GNAQ: variants seen among roughly 807,000 people sequenced by gnomAD.
GNAQ encodes the protein G protein subunit alpha q.
GNAQ carries 8 observed loss-of-function variants against 43.9 expected under a neutral mutation model. That is an observed-to-expected ratio of 0.18 (90% CI 0.11 to 0.33). The LOEUF is 0.33. Among genes scored for constraint, GNAQ ranks in the 10% least tolerant of loss-of-function variants. The pLI is 1.00. For synonymous variants in GNAQ, 155 were observed against 170.7 expected, an observed-to-expected ratio of 0.91 and a Z score of 0.71; for missense variants, 158 against 450.8, an observed-to-expected ratio of 0.35 and a Z score of 5.88.
chr9:77,789,907 G>GT (rs1314258473), intron 5 of GNAQ, among the ~76,000 whole-genome samples: 5 of 151,970 alleles, frequency 3.3e-5, no homozygotes, highest in African/African-American at 1.2e-4. Context: ...TCCTTCTAGC[G>GT]TAAGGGAAGC....
chr9:77,895,268 TGTGTTA>T (rs564039214), intron 2 of GNAQ, among the ~76,000 whole-genome samples: 3 of 151,708 alleles, frequency 2.0e-5, no homozygotes, highest in Non-Finnish European at 4.4e-5. Context: ...TTGCTTCACA[TGTGTTA>T]GTTCATTTAA....
intron 2 of GNAQ, among the ~76,000 whole-genome samples, chr9:77,872,335 T>C (rs1828050891): frequency 6.6e-6 from 1 of 152,190 alleles, no homozygotes; most frequent in South Asian, 2.1e-4. Flanking sequence ...CTTGGAAGCT[T>C]AGAAGCAAAA....
At chr9:78,015,247 G>A (rs916134089) in intron 1 of GNAQ, among the ~76,000 whole-genome samples, 6 of 152,196 alleles carry the variant, frequency 3.9e-5, no homozygotes, top group African/African-American at 1.4e-4. Context: ...TGCAGCCTGG[G>A]AACAATAGGC....
At chr9:77,766,158 G>A (rs1426481753) in intron 5 of GNAQ, among the ~76,000 whole-genome samples, 1 of 152,150 alleles carries the variant, frequency 6.6e-6, no homozygotes, top group Non-Finnish European at 1.5e-5. Context: ...GCACAATAAT[G>A]TGAATGTTTT....
chr9:78,000,502 G>A (rs776185999), intron 1 of GNAQ, among the ~76,000 whole-genome samples: 2 of 152,146 alleles, frequency 1.3e-5, no homozygotes, highest in Non-Finnish European at 2.9e-5. Context: ...AACCACATCT[G>A]TAATAAAGAA....
intron 2 of GNAQ, among the ~76,000 whole-genome samples, chr9:77,907,961 T>C (rs576453142): frequency 8.9e-4 from 136 of 152,286 alleles, no homozygotes; most frequent in Non-Finnish European, 1.5e-3. Context: ...GAGCTGCCTT[T>C]AGGGAATTAA....
intron 1 of GNAQ, among the ~76,000 whole-genome samples, chr9:77,944,131 TC>T (rs568468498): frequency 4.6e-5 from 7 of 152,140 alleles, no homozygotes; most frequent in Non-Finnish European, 1.0e-4. Context: ...ACTGATTCAT[TC>T]AGAATACATA....
At chr9:77,965,130 C>T (rs10869995) in intron 1 of GNAQ, among the ~76,000 whole-genome samples, 30,818 of 151,912 alleles carry the variant, frequency 0.2, 3,370 homozygotes, top group South Asian at 0.39. Flanking sequence ...TTTTACTTTA[C>T]TCTGAATTAT....
Position 77,718,729 on chromosome 9 carries a change from T to G in GNAQ, c.*2594A>C, listed in dbSNP as rs1363152277. 5.5e-6 allele frequency: 1 copy of G among 182,030 alleles called. No individual in the cohort carries two copies. The highest frequency in any genetic ancestry group is 1.1e-5 in the Non-Finnish European group (1 of 93,318). The allele number at this position is 182,030 out of a possible 1,614,324, so 11.3% of individuals were successfully genotyped here. ...GGCCTTCAAATGTTGTTGTTTAATT[T>G]TTTTTTTTTTTTTTTTTTTTTTTGC... is the stretch of plus-strand genomic sequence containing the variant. On this transcript the variant is annotated 3_prime_UTR_variant, in exon 7 of 7. Coordinates refer to ENST00000286548, the MANE Select transcript of GNAQ (RefSeq NM_002072.5).
chr9:77,869,305 A>G (rs1173753459), intron 2 of GNAQ, among the ~76,000 whole-genome samples: 1 of 152,186 alleles, frequency 6.6e-6, no homozygotes, highest in Non-Finnish European at 1.5e-5. Flanking sequence ...ATTTTGAGCC[A>G]TTTTCATTTC....
chr9:77,908,404 G>A (rs1405557057), intron 2 of GNAQ, among the ~76,000 whole-genome samples: 1 of 152,284 alleles, frequency 6.6e-6, no homozygotes, highest in African/African-American at 2.4e-5. Flanking sequence ...TTGGATCATA[G>A]CCTCTTGTAT....
chr9:77,820,467 C>A (rs1827095590), intron 2 of GNAQ, among the ~76,000 whole-genome samples: 1 of 152,186 alleles, frequency 6.6e-6, no homozygotes, highest in Non-Finnish European at 1.5e-5. Context: ...CTGCTGCTGG[C>A]TGGGTTCTCA....
chr9:77,799,385 T>C (rs1275536039), intron 3 of GNAQ, among the ~76,000 whole-genome samples: 1 of 152,162 alleles, frequency 6.6e-6, no homozygotes, highest in African/African-American at 2.4e-5. Context: ...AAATACTCAG[T>C]GGACATGACC....
intron 5 of GNAQ, among the ~76,000 whole-genome samples, chr9:77,781,525 C>T (rs571074628): frequency 2.6e-5 from 4 of 152,196 alleles, no homozygotes; most frequent in African/African-American, 9.6e-5. Flanking sequence ...ATGAGGCCAG[C>T]ATTAACTTAA....
At chr9:77,934,681 T>C (rs144479880) in intron 1 of GNAQ, among the ~76,000 whole-genome samples, 180 of 152,322 alleles carry the variant, frequency 1.2e-3, no homozygotes, top group African/African-American at 4.1e-3. Flanking sequence ...ATGTTCCAAG[T>C]GTGCCTAATA....
intron 2 of GNAQ, among the ~76,000 whole-genome samples, chr9:77,818,826 C>G (rs1301395904): frequency 2.6e-5 from 4 of 151,658 alleles, no homozygotes; most frequent in Non-Finnish European, 4.4e-5. Context: ...ATGGCAAGAC[C>G]CCATCTCTAT....
At chr9:77,879,230 A>G (rs890515941) in intron 2 of GNAQ, among the ~76,000 whole-genome samples, 3 of 152,056 alleles carry the variant, frequency 2.0e-5, no homozygotes, top group African/African-American at 7.2e-5. Context: ...TCACCCAGAA[A>G]TTGTTCTTAC....
chr9:77,739,337 T>C (rs1042394385), intron 5 of GNAQ, among the ~76,000 whole-genome samples: 1 of 152,220 alleles, frequency 6.6e-6, no homozygotes, highest in Admixed American at 6.5e-5. Context: ...TTTTCGAGAA[T>C]TGTCTGCTCC....
chr9:78,029,462 G>T (rs1438352148), intron 1 of GNAQ, among the ~76,000 whole-genome samples: 9 of 144,894 alleles, frequency 6.2e-5, no homozygotes, highest in Non-Finnish European at 9.2e-5. Context: ...AGCTCAAAAT[G>T]AGAATTAAAA....
Sources: allele counts gnomAD v4.1 joint callset (sites outside exome capture counted in the v4.1 genomes callset), GRCh38; gene constraint gnomAD v4.1.1; transcripts MANE v1.5; gene names NCBI Gene and HGNC (gene_info 2026-07-23, HGNC 2026-07-21).